The following DNAH9 variants were observed in gnomAD, a reference collection of about 807,000 sequenced individuals.
DNAH9 encodes the protein DNAH9 variant protein.
A neutral mutation model predicts 471.6 loss-of-function variants in DNAH9; 345 were observed. That is an observed-to-expected ratio of 0.73 (90% CI 0.67 to 0.80). The LOEUF is 0.80. Ranked by LOEUF, DNAH9 falls within the 30% of genes least tolerant of loss-of-function variation. The probability of loss-of-function intolerance (pLI) is 0.00; values close to 1 mark genes in which losing one functional copy is unlikely to be tolerated. For missense variants in DNAH9, 5,407 were observed against 5,609.2 expected (o/e 0.96, Z 1.15); for synonymous variants, 2,093 against 2,123.6 (o/e 0.99, Z 0.40).
chr17:11,962,298 GATTAA>G lies in DNAH9; in HGVS notation c.13233+45_13233+49del. On this transcript the variant is annotated intron_variant, in intron 68 of 68. Transcript: ENST00000262442. The surrounding 1 kb of genome is among the most constrained non-coding windows in gnomAD (Gnocchi z 4.1). ...ACCAAAGGGCAGCTTTCTGGGGGCT[GATTAA>G]ATACACATTGCTTCCTATGAAGTGT... 6.5e-7 allele frequency: 1 copy of G among 1,531,056 alleles called. No homozygotes were observed. Among genetic ancestry groups the G allele is most frequent in the African/African-American group, 1.4e-5 (1 of 72,446 alleles). 94.8% of individuals were successfully genotyped at this position (1,531,056 alleles called of 1,614,324 possible).
intron 62 of DNAH9, chr17:11,925,147 C>T (rs981365718): frequency 4.4e-6 from 2 of 455,046 alleles, no homozygotes; most frequent in African/African-American, 2.0e-5. Flanking sequence ...GTATTCTCCA[C>T]CAAATTTTTT....
chr17:11,895,659 G>A (rs1468621759), intron 59 of DNAH9, among the ~76,000 whole-genome samples: 1 of 152,132 alleles, frequency 6.6e-6, no homozygotes, highest in African/African-American at 2.4e-5. Context: ...GACTTCTCAT[G>A]TTGGCCTTCT....
intron 9 of DNAH9, among the ~76,000 whole-genome samples, chr17:11,638,331 G>T (rs573218950): frequency 6.6e-6 from 1 of 151,978 alleles, no homozygotes; most frequent in African/African-American, 2.4e-5. Flanking sequence ...AAGCTATATC[G>T]GTAACAAATG....
chr17:11,904,591 A>G (rs1973522032), intron 60 of DNAH9, among the ~76,000 whole-genome samples: 1 of 143,970 alleles, frequency 6.9e-6, no homozygotes, highest in Non-Finnish European at 1.5e-5. Flanking sequence ...AGATCGCACC[A>G]CTGCACTCCA....
chr17:11,854,508 A>C, intron 50 of DNAH9, 80 bp downstream of exon 50: 1 of 1,437,514 alleles, frequency 7.0e-7, no homozygotes, highest in Non-Finnish European at 9.3e-7. Context: ...CTAACACCTA[A>C]CGTTACGGTT....
At chr17:11,966,263 A>T (rs892958586) in intron 68 of DNAH9, among the ~76,000 whole-genome samples, 2 of 152,226 alleles carry the variant, frequency 1.3e-5, no homozygotes, top group African/African-American at 4.8e-5. Context: ...GTAATAGCTG[A>T]TTGCTCATCA....
chr17:11,857,244 G>A (rs1170460334), intron 50 of DNAH9, among the ~76,000 whole-genome samples: 1 of 152,144 alleles, frequency 6.6e-6, no homozygotes. Context: ...AAAGCAATAA[G>A]AATATTTTAA....
At position 11,937,473 on chromosome 17, in the gene DNAH9, C is replaced by T. The variant is rs759413753; in HGVS notation, c.12611C>T (p.Pro4204Leu). 1.9e-6 allele frequency: 3 copies of T among 1,613,690 alleles called. No homozygotes were observed. The highest frequency in any genetic ancestry group is 2.5e-6 in the Non-Finnish European group (3 of 1,179,800). ...KLFRTVLELQ[P>L]RDSQARDGAG... is the part of the protein sequence containing the mutation. ...TTCCGCACTGTGCTGGAGCTGCAGC[C>T]TCGGGACAGCCAGGCCAGAGACGGA... The change falls in exon 66 of 69, where the codon CCT becomes CTT. Residue 4204 changes from proline (P) to leucine (L), a missense_variant. Pro to Leu is a moderately conservative substitution (Grantham distance 98). This residue lies in a region of DNAH9 where 4,636 missense variants were observed against 4,900.3 expected (regional missense o/e 0.95). Transcript: ENST00000262442. The surrounding 1 kb of genome is among the most constrained non-coding windows in gnomAD (Gnocchi z 4.1).
At chr17:11,783,839 C>A in intron 40 of DNAH9, 91 bp downstream of exon 40, 2 of 1,015,484 alleles carry the variant, frequency 2.0e-6, no homozygotes, top group East Asian at 2.5e-5. Flanking sequence ...GCCTTTTTCC[C>A]CATGCAGCCT....
chr17:11,799,407 C>T (rs1969373331), intron 43 of DNAH9, among the ~76,000 whole-genome samples: 1 of 152,112 alleles, frequency 6.6e-6, no homozygotes, highest in African/African-American at 2.4e-5. Flanking sequence ...CACTCTGTCG[C>T]CCAAGCTGGA....
chr17:11,789,226 G>GGA (rs1968979859), intron 41 of DNAH9, among the ~76,000 whole-genome samples: 1 of 151,940 alleles, frequency 6.6e-6, no homozygotes, highest in African/African-American at 2.4e-5. Context: ...AAAATACTTT[G>GGA]AGAAGTGTTT....
chr17:11,841,330 C>T lies in DNAH9; in HGVS notation c.9507+6432C>T, dbSNP rs576607365. Among the ~76,000 whole-genome samples, 18 of 152,214 alleles carry T rather than the reference C, an allele frequency of 1.2e-4. No individual in the cohort carries two copies. In the South Asian group the frequency reaches 3.5e-3, roughly 30 times the overall value. ...GGTCCATGCTTTTTCCAAAGAGGCT[C>T]TGGGAACCTCAGTGTTTAAAAGGAA... On this transcript the variant is annotated intron_variant, in intron 49 of 68. Transcript: ENST00000262442.
chr17:11,640,308 G>A lies in DNAH9; in HGVS notation c.1825G>A (p.Gly609Ser). The A allele has an allele frequency of 6.2e-7, 1 of 1,613,974 alleles. No individual in the cohort carries two copies. Among genetic ancestry groups the A allele is most frequent in the Non-Finnish European group, 8.5e-7 (1 of 1,179,906 alleles). ...PVHKNMPTVA[G>S]GLRWAQELRQ... is the part of the protein sequence containing the mutation. ...GCACAAGAACATGCCCACCGTGGCT[G>A]GCGGCCTCCGCTGGGCACAGGAGCT... Residue 609 changes from glycine to serine, a missense_variant, in exon 10 of 69, where the codon GGC becomes AGC. By Grantham distance (56) the Gly-to-Ser change is moderately conservative. Around this residue, in one of 3 missense-constraint regions of DNAH9, gnomAD observed 4,636 missense variants for 4,900.3 expected, o/e 0.95. Coordinates refer to ENST00000262442, the MANE Select transcript of DNAH9 (RefSeq NM_001372.4).
chr17:11,797,896 A>G, intron 43 of DNAH9, 103 bp downstream of exon 43: 6 of 1,205,712 alleles, frequency 5.0e-6, no homozygotes, highest in Non-Finnish European at 6.9e-6. Flanking sequence ...CCAGGTAAGG[A>G]GCTCCGGCTT....
At chr17:11,720,412 C>T (rs976256615) in intron 27 of DNAH9, among the ~76,000 whole-genome samples, 2 of 152,068 alleles carry the variant, frequency 1.3e-5, no homozygotes, top group African/African-American at 2.4e-5. Context: ...CCCCACCCCA[C>T]GACAGGCCCT....
Position 11,640,297 on chromosome 17 carries a change from C to T in DNAH9, c.1814C>T (p.Pro605Leu), listed in dbSNP as rs772913116. Residue 605 changes from proline to leucine, a missense_variant, in exon 10 of 69, where the codon CCC (proline) becomes CTC (leucine). Physicochemically the swap from Pro to Leu is moderately conservative, Grantham distance 98. Transcript: ENST00000262442. ...LGFSPVHKNM[P>L]TVAGGLRWAQ... is the part of the protein sequence containing the mutation. ...TTCTCCCCGGTGCACAAGAACATGCCCACCGTGGCTGGCGGCCTCCGCTGG... is the reference window on the plus strand; with the variant it reads ...TTCTCCCCGGTGCACAAGAACATGCTCACCGTGGCTGGCGGCCTCCGCTGG... The T allele has an allele frequency of 1.2e-6, 2 of 1,613,674 alleles. No individual in the cohort carries two copies. Among genetic ancestry groups the T allele is most frequent in the Non-Finnish European group, 1.7e-6 (2 of 1,179,702 alleles).
chr17:11,913,048 A>G (rs867902797), intron 61 of DNAH9, among the ~76,000 whole-genome samples: 23 of 152,222 alleles, frequency 1.5e-4, no homozygotes, highest in African/African-American at 5.3e-4. Flanking sequence ...CATGTCTGTA[A>G]TCCCAGCTAC....
At chr17:11,875,301 C>A in intron 53 of DNAH9, 117 bp downstream of exon 53, 4 of 776,234 alleles carry the variant, frequency 5.2e-6, no homozygotes, top group Non-Finnish European at 6.1e-6. Flanking sequence ...CTCCATCAGG[C>A]TTCTCACGTT....
chr17:11,708,043 A>G (rs1195756401), intron 26 of DNAH9, among the ~76,000 whole-genome samples: 3 of 149,066 alleles, frequency 2.0e-5, no homozygotes, highest in Non-Finnish European at 4.4e-5. Flanking sequence ...AGAGAGAGAG[A>G]GAGAGAGAGA....
Sources: gnomAD v4.1 joint callset for allele counts (sites outside exome capture counted in the v4.1 genomes callset) on GRCh38, gnomAD v4.1.1 for gene constraint, gnomAD v4.1.1 regional missense constraint, Gnocchi (gnomAD v3.1) non-coding constraint, MANE v1.5 for transcripts, NCBI Gene and HGNC (gene_info 2026-07-23, HGNC 2026-07-21) for gene names.